Variants in COL4A6 observed in about 807,000 individuals in gnomAD.
The protein encoded by COL4A6 is collagen alpha-6(IV) chain.
Under a neutral mutation model 126.7 loss-of-function variants are expected in COL4A6, and 59 were observed. The ratio of observed to expected loss-of-function variants is 0.47; its 90% confidence interval spans 0.38 to 0.58. COL4A6 has a LOEUF of 0.58. COL4A6 is among the 20% of genes least tolerant of loss of function. The pLI, the probability that COL4A6 is intolerant of heterozygous loss-of-function variation, is 0.00. For missense variants in COL4A6, 1,285 were observed against 1,337.3 expected, an observed-to-expected ratio of 0.96 and a Z score of 0.61; for synonymous variants, 547 against 496.6, an observed-to-expected ratio of 1.10 and a Z score of -1.35.
intron 2 of COL4A6, among the ~76,000 whole-genome samples, chrX:108,370,740 G>C (rs2040305461): frequency 1.8e-5 from 2 of 111,558 alleles, no homozygotes; most frequent in Non-Finnish European, 3.8e-5. Context: ...CTTAAGGCCA[G>C]AGATTCCTGA....
chrX:108,396,486 C>T (rs73529130), intron 2 of COL4A6, among the ~76,000 whole-genome samples: 7,292 of 111,488 alleles, frequency 0.065, 553 homozygotes, highest in African/African-American at 0.21. Context: ...GGTGCTCTCT[C>T]TCATTAAGTG....
chrX:108,352,072 C>T (rs2039860005), intron 2 of COL4A6, among the ~76,000 whole-genome samples: 1 of 112,913 alleles, frequency 8.9e-6, no homozygotes, highest in Non-Finnish European at 1.9e-5. Context: ...TCAGAATACT[C>T]TGCCTGCGGC....
chrX:108,192,972 C>T (rs1419647854), intron 17 of COL4A6, among the ~76,000 whole-genome samples: 4 of 112,072 alleles, frequency 3.6e-5, no homozygotes, highest in Admixed American at 9.4e-5. Context: ...AATATTAATA[C>T]CAAACAGGGC....
chrX:108,181,259 G>T (rs759579830), intron 23 of COL4A6, among the ~76,000 whole-genome samples: 23 of 112,497 alleles, frequency 2.0e-4, no homozygotes, highest in African/African-American at 7.4e-4. Context: ...ACCTAACAAG[G>T]TTTCTTAGAG....
At chrX:108,175,287 C>A (rs1403878388) in intron 29 of COL4A6, 72 bp from the exon 30 acceptor site, 6 of 1,060,083 alleles carry the variant, frequency 5.7e-6, no homozygotes, top group African/African-American at 1.9e-5. Flanking sequence ...CCTTTCACAT[C>A]ATTTCTTCCC....
intron 9 of COL4A6, 25 bp downstream of exon 9, chrX:108,206,493 C>T: frequency 8.4e-7 from 1 of 1,195,054 alleles, no homozygotes; most frequent in Non-Finnish European, 1.1e-6. Context: ...ACTGTGATCA[C>T]AAACTAGGCT....
At chrX:108,281,676 C>T (rs1224121828) in intron 3 of COL4A6, among the ~76,000 whole-genome samples, 1 of 110,734 alleles carries the variant, frequency 9.0e-6, no homozygotes, top group Non-Finnish European at 1.9e-5. Flanking sequence ...AAAAAAGAGC[C>T]CACATCGCCA....
At chrX:108,366,455 C>A (rs1380579872) in intron 2 of COL4A6, among the ~76,000 whole-genome samples, 1 of 112,047 alleles carries the variant, frequency 8.9e-6, no homozygotes. Context: ...TCTTTAACTG[C>A]AGCTCATTAT....
At chrX:108,292,815 G>A (rs1395214998) in intron 3 of COL4A6, among the ~76,000 whole-genome samples, 1 of 108,514 alleles carries the variant, frequency 9.2e-6, no homozygotes, top group African/African-American at 3.4e-5. Context: ...CACAGTAGAA[G>A]GAAAAGCACT....
At chrX:108,285,687 C>T (rs2037987376) in intron 3 of COL4A6, among the ~76,000 whole-genome samples, 1 of 111,706 alleles carries the variant, frequency 9.0e-6, no homozygotes, top group South Asian at 3.8e-4. Context: ...TTCAGCAATA[C>T]AGTCTTGCCT....
At chrX:108,382,818 C>T (rs1429732727) in intron 2 of COL4A6, among the ~76,000 whole-genome samples, 24 of 107,908 alleles carry the variant, frequency 2.2e-4, no homozygotes, top group African/African-American at 7.8e-4. Context: ...GGTAGTGGTG[C>T]GTGCCTGAAA....
chrX:108,286,496 C>A (rs1299388386), intron 3 of COL4A6, among the ~76,000 whole-genome samples: 4 of 112,098 alleles, frequency 3.6e-5, no homozygotes, highest in Middle Eastern at 4.6e-3. Context: ...GACTACAATT[C>A]TTGATCTCAC....
In COL4A6 at chrX:108,310,888, C is replaced by T; in HGVS notation, c.64-60G>A. On this transcript the variant is annotated intron_variant, in intron 2 of 44. Transcript: ENST00000334504. ...GAACCAAGAAGCAATGTTGTCCCAG[C>T]AGACCTAACTCTTAGCTTCTTTACC... The T allele has an allele frequency of 4.4e-6, 4 of 903,708 alleles. No homozygotes were observed. In the Admixed American group the frequency reaches 7.1e-5, roughly 16 times the overall value. The allele number at this position is 903,708 out of a possible 1,213,427, so 74.5% of individuals were successfully genotyped here. A position where few individuals can be genotyped will look rare whatever the true frequency, so the allele number is the denominator to read the frequency against.
chrX:108,384,642 A>G (rs1281205886), intron 2 of COL4A6, among the ~76,000 whole-genome samples: 1 of 111,830 alleles, frequency 8.9e-6, no homozygotes, highest in East Asian at 2.8e-4. Context: ...ATGAGAGAGA[A>G]CATAATTGTT....
intron 2 of COL4A6, among the ~76,000 whole-genome samples, chrX:108,322,719 C>T (rs1484881436): frequency 2.7e-5 from 3 of 112,031 alleles, no homozygotes; most frequent in Non-Finnish European, 5.6e-5. Context: ...GAAAGAACAA[C>T]ACTTCCCAAG....
At chrX:108,327,689 G>T (rs1212993855) in intron 2 of COL4A6, among the ~76,000 whole-genome samples, 3 of 109,574 alleles carry the variant, frequency 2.7e-5, no homozygotes, top group African/African-American at 1.0e-4. Flanking sequence ...GAATATGAGG[G>T]AACTTTTGCA....
intron 3 of COL4A6, among the ~76,000 whole-genome samples, chrX:108,270,617 G>A (rs758366291): frequency 8.9e-6 from 1 of 112,263 alleles, no homozygotes; most frequent in African/African-American, 3.2e-5. Context: ...GTTTTGGAGT[G>A]GGTTGTTACA....
intron 23 of COL4A6, 79 bp downstream of exon 23, chrX:108,187,017 C>T (rs2034884421): frequency 2.4e-6 from 2 of 826,588 alleles, no homozygotes; most frequent in Non-Finnish European, 3.3e-6. Flanking sequence ...TCTTATGATA[C>T]ATTTCATGCA....
intron 2 of COL4A6, among the ~76,000 whole-genome samples, chrX:108,380,636 T>C (rs908995546): frequency 8.9e-6 from 1 of 112,391 alleles, no homozygotes; most frequent in African/African-American, 3.2e-5. Flanking sequence ...ATGGAACACC[T>C]GAGGCAAATC....
Sources: gnomAD v4.1 joint callset for allele counts (sites outside exome capture counted in the v4.1 genomes callset) on GRCh38, gnomAD v4.1.1 for gene constraint, MANE v1.5 for transcripts, NCBI Gene and HGNC (gene_info 2026-07-23, HGNC 2026-07-21) for gene names.